The following UBE2R2 variants were observed in gnomAD, a reference collection of about 807,000 sequenced individuals.
UBE2R2 encodes ubiquitin-conjugating enzyme E2 R2.
Under a neutral mutation model 27.8 loss-of-function variants are expected in UBE2R2, and 1 was observed. The observed-to-expected ratio is 0.04, with a 90% CI of 0.01 to 0.17. The LOEUF (loss-of-function observed/expected upper bound fraction) is 0.17. UBE2R2 is among the 10% of genes least tolerant of loss of function. The pLI, the probability that UBE2R2 is intolerant of heterozygous loss-of-function variation, is 1.00. For synonymous variants in UBE2R2, 106 were observed against 113.3 expected, an observed-to-expected ratio of 0.94 and a Z score of 0.41; for missense variants, 100 against 291.0, an observed-to-expected ratio of 0.34 and a Z score of 4.78.
intron 2 of UBE2R2, among the ~76,000 whole-genome samples, chr9:33,898,200 C>T (rs1310533018): frequency 1.3e-5 from 2 of 152,106 alleles, no homozygotes; most frequent in Non-Finnish European, 1.5e-5. Context: ...ATTCTCCTGC[C>T]TCAGCCTCCT....
At chr9:33,912,309 C>A (rs1822511229) in intron 4 of UBE2R2, among the ~76,000 whole-genome samples, 1 of 151,992 alleles carries the variant, frequency 6.6e-6, no homozygotes. Flanking sequence ...CAGTAGCAGA[C>A]CTGATTTTCT....
intron 1 of UBE2R2, among the ~76,000 whole-genome samples, chr9:33,869,976 A>T (rs1821452045): frequency 6.6e-6 from 1 of 151,666 alleles, no homozygotes; most frequent in Non-Finnish European, 1.5e-5. Context: ...TCTCCTGAGT[A>T]GCTGGGATTA....
At chr9:33,892,170 C>A (rs1172649631) in intron 2 of UBE2R2, among the ~76,000 whole-genome samples, 1 of 152,078 alleles carries the variant, frequency 6.6e-6, no homozygotes, top group Non-Finnish European at 1.5e-5. Context: ...TGGTACTGCA[C>A]AATCTATTTC....
chr9:33,866,111 C>T (rs1249200066), intron 1 of UBE2R2, among the ~76,000 whole-genome samples: 2 of 151,954 alleles, frequency 1.3e-5, no homozygotes, highest in South Asian at 2.1e-4. Flanking sequence ...AGATTACAGG[C>T]GTGAGTCACT....
At chr9:33,907,778 T>A (rs1822391628) in intron 3 of UBE2R2, among the ~76,000 whole-genome samples, 1 of 152,084 alleles carries the variant, frequency 6.6e-6, no homozygotes, top group Admixed American at 6.5e-5. Flanking sequence ...TTAAACTCAT[T>A]TTTTAAACAA....
At chr9:33,852,783 G>A (rs28538578) in intron 1 of UBE2R2, among the ~76,000 whole-genome samples, 2,708 of 152,236 alleles carry the variant, frequency 0.018, 85 homozygotes, top group African/African-American at 0.062. Context: ...CGAGGCAGGT[G>A]GATCACTTGA....
intron 1 of UBE2R2, among the ~76,000 whole-genome samples, chr9:33,877,839 C>CTG (rs1821647436): frequency 6.9e-6 from 1 of 145,394 alleles, no homozygotes; most frequent in Admixed American, 6.7e-5. Context: ...CTCTCTCTCT[C>CTG]TCTCTCTCTC....
chr9:33,834,448 G>A (rs1045911706), intron 1 of UBE2R2, among the ~76,000 whole-genome samples: 3 of 151,776 alleles, frequency 2.0e-5, no homozygotes, highest in Non-Finnish European at 2.9e-5. Context: ...CTGACCTTAG[G>A]TGATCTGCCC....
intron 4 of UBE2R2, among the ~76,000 whole-genome samples, chr9:33,916,637 A>C (rs148351900): frequency 1.0e-3 from 155 of 152,338 alleles, no homozygotes; most frequent in African/African-American, 3.6e-3. Flanking sequence ...TGTGCTTCAC[A>C]CATGCAAACA....
At chr9:33,883,438 G>A (rs1030095536) in intron 1 of UBE2R2, among the ~76,000 whole-genome samples, 9 of 152,220 alleles carry the variant, frequency 5.9e-5, no homozygotes, top group East Asian at 1.9e-4. Flanking sequence ...CAATAAGGCC[G>A]AGTGCGGTGG....
intron 1 of UBE2R2, among the ~76,000 whole-genome samples, chr9:33,827,937 A>G (rs960122095): frequency 4.0e-5 from 6 of 150,240 alleles, no homozygotes; most frequent in Admixed American, 2.0e-4. Context: ...TGCCACTGCA[A>G]TCCAGCCTGG....
intron 1 of UBE2R2, among the ~76,000 whole-genome samples, chr9:33,835,783 T>A (rs1028186420): frequency 1.9e-4 from 29 of 151,500 alleles, no homozygotes; most frequent in African/African-American, 7.0e-4. Context: ...CTCAGGAGGC[T>A]GAGGTGGGAG....
intron 1 of UBE2R2, among the ~76,000 whole-genome samples, chr9:33,870,395 G>A (rs1364144596): frequency 2.0e-5 from 3 of 152,028 alleles, no homozygotes; most frequent in South Asian, 2.1e-4. Flanking sequence ...TGCCCACCTC[G>A]GCCTCCCAAA....
chr9:33,823,502 A>G (rs900016423), intron 1 of UBE2R2, among the ~76,000 whole-genome samples: 2 of 151,992 alleles, frequency 1.3e-5, no homozygotes, highest in Non-Finnish European at 1.5e-5. Context: ...TAGCCTCCCA[A>G]GTAGCTGGGA....
chr9:33,854,468 C>T (rs1049882342), intron 1 of UBE2R2, among the ~76,000 whole-genome samples: 11 of 151,862 alleles, frequency 7.2e-5, no homozygotes, highest in African/African-American at 1.7e-4. Context: ...TACAGGTGCC[C>T]GCCACCATGC....
At chr9:33,850,601 T>G (rs1417823148) in intron 1 of UBE2R2, among the ~76,000 whole-genome samples, 1 of 152,162 alleles carries the variant, frequency 6.6e-6, no homozygotes, top group East Asian at 1.9e-4. Context: ...AATCTTAACC[T>G]CTTAAATTTG....
At chr9:33,915,567 T>C (rs1822620908) in intron 4 of UBE2R2, among the ~76,000 whole-genome samples, 1 of 152,136 alleles carries the variant, frequency 6.6e-6, no homozygotes, top group Non-Finnish European at 1.5e-5. Context: ...AACTAAGAGA[T>C]TGACATTAGG....
rs150715995 is a variant in UBE2R2, at chr9:33,826,201, T to C, written c.177+8267T>C. Among the ~76,000 whole-genome samples, 362 of 152,052 alleles carry C rather than the reference T, an allele frequency of 2.4e-3. 1 individual carries two copies. The highest frequency in any genetic ancestry group is 8.1e-3 in the African/African-American group (335 of 41,464). ...CCTGAGTAAAATTTAACCTCTTTGATTGTGTTAATATCAACTTTATTCAGC... is the reference window on the plus strand; with the variant it reads ...CCTGAGTAAAATTTAACCTCTTTGACTGTGTTAATATCAACTTTATTCAGC... On this transcript the variant is annotated intron_variant, in intron 1 of 4. Transcript: ENST00000263228.
In UBE2R2 at chr9:33,917,928, C is replaced by T. The variant is rs909934856; in HGVS notation, c.*691C>T. 6.5e-6 allele frequency: 1 copy of T among 153,660 alleles called. No homozygotes were observed. The highest frequency in any genetic ancestry group is 1.5e-5 in the Non-Finnish European group (1 of 68,050). The allele number at this position is 153,660 out of a possible 1,614,324, so 9.5% of individuals were successfully genotyped here. A position where few individuals can be genotyped will look rare whatever the true frequency, so the allele number is the denominator to read the frequency against. The stretch of plus-strand genomic sequence containing the variant: ...AGCTGCTCTGAGGAGAGAAATCAGA[C>T]TTTGTTTTTTGAAATCGATTGGGAT... On this transcript the variant is annotated 3_prime_UTR_variant, in exon 5 of 5. Coordinates refer to ENST00000263228, the MANE Select transcript of UBE2R2 (RefSeq NM_017811.4).
Sources: allele counts gnomAD v4.1 joint callset (sites outside exome capture counted in the v4.1 genomes callset), GRCh38; gene constraint gnomAD v4.1.1; transcripts MANE v1.5; gene names NCBI Gene and HGNC (gene_info 2026-07-23, HGNC 2026-07-21).